CLCA2: variants seen among roughly 807,000 people sequenced by gnomAD.
CLCA2 encodes the protein chloride channel accessory 2.
A neutral mutation model predicts 82.9 loss-of-function variants in CLCA2; 85 were observed. The observed-to-expected ratio is 1.03, with a 90% CI of 0.86 to 1.23. The LOEUF (loss-of-function observed/expected upper bound fraction) is 1.23. CLCA2 is among the 50% of genes most tolerant of loss of function. CLCA2 has a pLI of 0.00. For synonymous variants in CLCA2, 421 were observed against 391.7 expected, an observed-to-expected ratio of 1.07 and a Z score of -0.88; for missense variants, 1,089 against 1,124.8, an observed-to-expected ratio of 0.97 and a Z score of 0.45.
chr1:86,441,947 C>T (rs895741588), intron 9 of CLCA2, among the ~76,000 whole-genome samples: 1 of 152,208 alleles, frequency 6.6e-6, no homozygotes, highest in Admixed American at 6.5e-5. Context: ...TAAGGGGTAT[C>T]AACTATTTCA....
rs1300049891 is a variant in CLCA2 at position 86,432,522 on chromosome 1, A to G, written c.738A>G (p.Leu246=). The G allele has an allele frequency of 1.9e-6, 3 of 1,613,546 alleles. No individual in the cohort carries two copies. Among genetic ancestry groups the G allele is most frequent in the African/African-American group, 1.3e-5 (1 of 74,888 alleles). The part of the protein sequence containing the change: ...ATASIMFMQS[L]SSVVEFCNAS... ...CATCAATAATGTTCATGCAAAGTTT[A>G]TCTTCTGTAAGTATGCCCTTGGAAT... Residue 246 remains leucine, a synonymous_variant, in exon 5 of 14, where the codon TTA becomes TTG. Transcript: ENST00000370565.
rs927430320 is a variant in CLCA2 at position 86,456,196 on chromosome 1, A to C, written c.*669A>C. On this transcript the variant is annotated 3_prime_UTR_variant, in exon 14 of 14. Transcript: ENST00000370565. The stretch of plus-strand genomic sequence containing the variant: ...TCTACTCCCATCAAAGCAGCTTTCT[A>C]AGTTATTGCCTTGGTTATTATGGAT... 2.1e-4 allele frequency: 32 copies of C among 152,322 alleles called. No individual in the cohort carries two copies. Among genetic ancestry groups the C allele is most frequent in the Middle Eastern group, 3.4e-3 (1 of 294 alleles). The allele number at this position is 152,322 out of a possible 1,614,324, so 9.4% of individuals were successfully genotyped here. A position where few individuals can be genotyped will look rare whatever the true frequency, so the allele number is the denominator to read the frequency against.
chr1:86,443,666 AGT>A, intron 9 of CLCA2, 119 bp from the exon 10 acceptor site: 1 of 728,788 alleles, frequency 1.4e-6, no homozygotes, highest in Non-Finnish European at 2.2e-6. Flanking sequence ...GTATAACTAC[AGT>A]ACCTGTCAGA....
Position 86,455,212 on chromosome 1 carries a change from C to G in CLCA2, c.2517C>G (p.Phe839Leu), listed in dbSNP as rs146297816. 1.2e-6 allele frequency: 2 copies of G among 1,613,966 alleles called. No homozygotes were observed. Among genetic ancestry groups the G allele is most frequent in the Non-Finnish European group, 1.7e-6 (2 of 1,179,982 alleles). ...CTGGCATCAGGGAGATATTTACGTT[C>G]TCACCCCAAATTTCCACGAATGGAC... ...QQAGIREIFT[F>L]SPQISTNGPE... Residue 839 changes from phenylalanine to leucine, a missense_variant, in exon 14 of 14, where the codon TTC becomes TTG. Physicochemically the swap from Phe to Leu is conservative, Grantham distance 22. Transcript: ENST00000370565.
chr1:86,440,106 T>C, intron 7 of CLCA2, 42 bp from the exon 8 acceptor site: 1 of 1,591,534 alleles, frequency 6.3e-7, no homozygotes, highest in Non-Finnish European at 8.6e-7. Flanking sequence ...TAAAACAATT[T>C]GAACTACACT....
Position 86,453,486 on chromosome 1 carries a change from G to T in CLCA2, c.2273G>T (p.Gly758Val), listed in dbSNP as rs139351826. ...TTTTCAGTGCTGGGAGTTCCAGCTG[G>T]CCCCCACCCTGATGTGTTTCCACCA... Reference protein sequence around the residue: ...GSFSVLGVPAGPHPDVFPPCK... With the variant: ...GSFSVLGVPAVPHPDVFPPCK... The change falls in exon 13 of 14, where the codon GGC becomes GTC. Residue 758 changes from glycine to valine, a missense_variant. Physicochemically the swap from Gly to Val is moderately radical, Grantham distance 109. Coordinates refer to ENST00000370565, the MANE Select transcript of CLCA2 (RefSeq NM_006536.7). 34 of 1,613,994 alleles carry T rather than the reference G, an allele frequency of 2.1e-5. 1 individual carries two copies. In the African/African-American group the frequency reaches 3.9e-4, roughly 18 times the overall value.
intron 12 of CLCA2, among the ~76,000 whole-genome samples, chr1:86,452,000 A>C (rs1428885487): frequency 6.6e-6 from 1 of 152,010 alleles, no homozygotes; most frequent in African/African-American, 2.4e-5. Flanking sequence ...CATAACTTTA[A>C]AATTATTAAA....
At chr1:86,438,333 A>AT (rs1377307541) in intron 6 of CLCA2, among the ~76,000 whole-genome samples, 1 of 152,208 alleles carries the variant, frequency 6.6e-6, no homozygotes, top group Non-Finnish European at 1.5e-5. Flanking sequence ...GTACTGCCAT[A>AT]TATGTATCTC....
chr1:86,430,607 A>T (rs545523925), intron 3 of CLCA2, among the ~76,000 whole-genome samples: 1 of 152,296 alleles, frequency 6.6e-6, no homozygotes, highest in East Asian at 1.9e-4. Context: ...CTTCAAATAG[A>T]TGTGCAACAA....
At chr1:86,447,817 C>T (rs1258534499) in intron 11 of CLCA2, 39 bp downstream of exon 11, 1 of 1,586,914 alleles carries the variant, frequency 6.3e-7, no homozygotes, top group Admixed American at 1.7e-5. Context: ...ATCTTCTCAA[C>T]AGCTGTTGTG....
chr1:86,437,409 C>A (rs887539665), intron 6 of CLCA2, among the ~76,000 whole-genome samples: 2 of 152,048 alleles, frequency 1.3e-5, no homozygotes, highest in Admixed American at 6.6e-5. Flanking sequence ...AGAGGCAGCA[C>A]CTGGCGCTGT....
Position 86,447,473 on chromosome 1 carries a change from TCACAC to T in CLCA2, c.1714-34_1714-30del, listed in dbSNP as rs1465528691. ...TTTAAAATTAGGGTTGATTTTTTTTTCACACTTTCCAAAACAATAAGACTTGTTTT... is the reference window on the plus strand; with the variant it reads ...TTTAAAATTAGGGTTGATTTTTTTTTTTTCCAAAACAATAAGACTTGTTTT... On this transcript the variant is annotated intron_variant, in intron 10 of 13. Coordinates refer to ENST00000370565, the MANE Select transcript of CLCA2 (RefSeq NM_006536.7). The T allele has an allele frequency of 1.5e-5, 23 of 1,581,116 alleles. No individual in the cohort carries two copies. In the Admixed American group the frequency reaches 2.9e-4, roughly 20 times the overall value.
intron 12 of CLCA2, among the ~76,000 whole-genome samples, chr1:86,452,792 T>C (rs935511598): frequency 2.6e-5 from 4 of 152,244 alleles, no homozygotes; most frequent in African/African-American, 4.8e-5. Flanking sequence ...TTTGTAAATA[T>C]ATGTTTATTA....
rs1461858912 is a variant in CLCA2, at chr1:86,424,270, G to C, written c.23G>C (p.Gly8Ala). 1 of 1,613,344 alleles carries C rather than the reference G, an allele frequency of 6.2e-7. No homozygotes were observed. Among genetic ancestry groups the C allele is most frequent in the African/African-American group, 1.3e-5 (1 of 74,888 alleles). The change falls in exon 1 of 14, where the codon GGT (glycine) becomes GCT (alanine). Residue 8 changes from glycine (G) to alanine (A), a missense_variant. By Grantham distance (60) the Gly-to-Ala change is moderately conservative (BLOSUM62 0). Coordinates refer to ENST00000370565, the MANE Select transcript of CLCA2 (RefSeq NM_006536.7). Reference protein sequence around the residue: MTQRSIAGPICNLKFVTL... With the variant: MTQRSIAAPICNLKFVTL... ...AACATGACCCAAAGGAGCATTGCAG[G>C]TCCTATTTGCAACCTGAAGTTTGTG...
In CLCA2 at chr1:86,441,377, A is replaced by G. The variant is rs996637239; in HGVS notation, c.1382-60A>G. On this transcript the variant is annotated intron_variant, in intron 8 of 13. Transcript: ENST00000370565. ...GAAAGCTTGTTGGAAAAGGCTTAAC[A>G]TTTTATTTTTGTTTTATTTTACCCA... 94 of 1,026,418 alleles carry G rather than the reference A, an allele frequency of 9.2e-5. No individual in the cohort carries two copies. The African/African-American group carries it at 1.2e-3, about 13-fold the overall frequency. 63.6% of individuals were successfully genotyped at this position (1,026,418 alleles called of 1,614,324 possible).
Position 86,430,940 on chromosome 1 carries a change from T to C in CLCA2, c.554T>C (p.Ile185Thr). 6.2e-7 allele frequency: 1 copy of C among 1,613,062 alleles called. No homozygotes were observed. Among genetic ancestry groups the C allele is most frequent in the Non-Finnish European group, 8.5e-7 (1 of 1,179,444 alleles). Residue 185 changes from isoleucine to threonine, a missense_variant, in exon 4 of 14, where the codon ATA becomes ACA. Coordinates refer to ENST00000370565, the MANE Select transcript of CLCA2 (RefSeq NM_006536.7). ...DEYNNDKPFY[I>T]NGQNQIKVTR... ...TATAACAATGACAAACCTTTCTACA[T>C]AAATGGGCAAAATCAAATTAAAGTG...
At position 86,440,240 on chromosome 1, in the gene CLCA2, T is replaced by G; in HGVS notation, c.1296T>G (p.Thr432=). The part of the protein sequence containing the change: ...DDKLLGNCLP[T]VLSSGSTIHS... ...AGCTTCTTGGCAATTGCTTACCCACTGTGCTCAGCAGTGGTTCAACAATTC... is the reference window on the plus strand; with the variant it reads ...AGCTTCTTGGCAATTGCTTACCCACGGTGCTCAGCAGTGGTTCAACAATTC... The change falls in exon 8 of 14, where the codon ACT becomes ACG. Residue 432 remains threonine, a synonymous_variant. Transcript: ENST00000370565. 6.2e-7 allele frequency: 1 copy of G among 1,614,158 alleles called. No individual in the cohort carries two copies. Among genetic ancestry groups the G allele is most frequent in the South Asian group, 1.1e-5 (1 of 91,090 alleles).
At chr1:86,446,584 T>C (rs1282693094) in intron 10 of CLCA2, among the ~76,000 whole-genome samples, 1 of 152,208 alleles carries the variant, frequency 6.6e-6, no homozygotes, top group Non-Finnish European at 1.5e-5. Context: ...CCTTGAATCA[T>C]AACTTAATGG....
chr1:86,447,374 T>C (rs1662873087), intron 10 of CLCA2, 134 bp from the exon 11 acceptor site: 1 of 868,648 alleles, frequency 1.2e-6, no homozygotes, highest in Non-Finnish European at 1.8e-6. Flanking sequence ...TTTCCTGGCA[T>C]CTTTTTGTAG....
Sources: gnomAD v4.1 joint callset for allele counts (sites outside exome capture counted in the v4.1 genomes callset) on GRCh38, gnomAD v4.1.1 for gene constraint, MANE v1.5 for transcripts, NCBI Gene and HGNC (gene_info 2026-07-23, HGNC 2026-07-21) for gene names.